Variants in N4BP2L2 observed in about 807,000 individuals in gnomAD.
The protein encoded by N4BP2L2 is NEDD4-binding protein 2-like 2.
In N4BP2L2, 50 loss-of-function variants were observed where a neutral mutation model predicts 56.2. The ratio of observed to expected loss-of-function variants is 0.89; its 90% CI spans 0.71 to 1.13. N4BP2L2 has a LOEUF of 1.13. Among genes scored for constraint, N4BP2L2 ranks in the 50% most tolerant of loss-of-function variants. The pLI is 0.00. For synonymous variants in N4BP2L2, 203 were observed against 223.6 expected (o/e 0.91, Z 0.82); for missense variants, 689 against 693.8 (o/e 0.99, Z 0.08).
chr13:32,437,718 T>C (rs2075689596), intron 8 of N4BP2L2, among the ~76,000 whole-genome samples: 1 of 152,184 alleles, frequency 6.6e-6, no homozygotes. Flanking sequence ...TCTATCATAA[T>C]GGGTAAGACT....
chr13:32,484,553 G>A (rs527631248), intron 6 of N4BP2L2, among the ~76,000 whole-genome samples: 14 of 151,730 alleles, frequency 9.2e-5, no homozygotes, highest in Non-Finnish European at 1.9e-4. Flanking sequence ...ACGTGATCTC[G>A]GCTCACTGCA....
At chr13:32,527,697 GAGCTGAATA>G (rs2053457358) in intron 2 of N4BP2L2, among the ~76,000 whole-genome samples, 165 bp from the exon 3 acceptor site, 2 of 151,938 alleles carry the variant, frequency 1.3e-5, no homozygotes, top group African/African-American at 4.8e-5. Flanking sequence ...ACCAGCACAA[GAGCTGAATA>G]ATCTTACAAA....
chr13:32,498,081 G>A (rs1466909170), intron 6 of N4BP2L2, among the ~76,000 whole-genome samples: 1 of 152,022 alleles, frequency 6.6e-6, no homozygotes, highest in Non-Finnish European at 1.5e-5. Flanking sequence ...CACCTCCTGG[G>A]TTTAAGCGAC....
chr13:32,444,213 G>T, intron 6 of N4BP2L2: 1 of 1,047,610 alleles, frequency 9.5e-7, no homozygotes, highest in Non-Finnish European at 1.3e-6. Flanking sequence ...TCATGTGCAG[G>T]TTTAAAAACC....
chr13:32,508,467 C>T (rs1250355607), downstream of N4BP2L2: 1 of 152,096 alleles, frequency 6.6e-6, no homozygotes, highest in Non-Finnish European at 1.5e-5. Context: ...TGAAGGCATT[C>T]AATAAACAAA....
chr13:32,536,401 A>G, exon 2 of N4BP2L2: 1 of 1,614,078 alleles, frequency 6.2e-7, no homozygotes, highest in Non-Finnish European at 8.5e-7. Context: ...CATTATTATG[A>G]CCCTCATAAA....
At chr13:32,499,143 T>A (rs2089464174) in intron 6 of N4BP2L2, among the ~76,000 whole-genome samples, 1 of 152,144 alleles carries the variant, frequency 6.6e-6, no homozygotes, top group African/African-American at 2.4e-5. Context: ...TAAGTCTGAC[T>A]TAAACTAGGC....
intron 3 of N4BP2L2, among the ~76,000 whole-genome samples, chr13:32,526,594 T>C (rs1016556274): frequency 6.6e-6 from 1 of 152,166 alleles, no homozygotes; most frequent in Non-Finnish European, 1.5e-5. Flanking sequence ...TTAATCTGTT[T>C]AAAATTTTTC....
In N4BP2L2 at chr13:32,477,320, A is replaced by C. The variant is rs568867878; in HGVS notation, c.366-33194T>G. 38 of 204,358 alleles carry C rather than the reference A, an allele frequency of 1.9e-4. No homozygotes were observed. The Middle Eastern group carries it at 7.3e-3, about 39-fold the overall frequency. The allele number at this position is 204,358 out of a possible 1,614,324, so 12.7% of individuals were successfully genotyped here. ...TGCAAAAACTTCATCAGCACGGCCA[A>C]GTACAGCATGTGGTCATTTCTCCCT... is the stretch of plus-strand genomic sequence containing the variant. On this transcript the variant is annotated intron_variant, in intron 6 of 9. Coordinates refer to the N4BP2L2 transcript ENST00000357505.
chr13:32,506,970 G>C (rs927436117), downstream of N4BP2L2: 5 of 151,598 alleles, frequency 3.3e-5, no homozygotes, highest in Non-Finnish European at 5.9e-5. Flanking sequence ...GAGCTTCTAA[G>C]GTGCTAGTAA....
rs941214058 is a variant in N4BP2L2 at position 32,517,981 on chromosome 13, G to A, written c.1573C>T (p.Arg525Ter). The change falls in exon 6 of 6, where the codon CGA becomes TGA. Residue 525 changes from arginine to a stop codon, truncating the protein, a stop_gained. Coordinates refer to ENST00000267068, the Ensembl canonical transcript of N4BP2L2. LOFTEE classifies it high-confidence loss of function. Reference sequence around the variant, plus strand: ...TCCAACATCTGAGCAATCTTCTTTCGAGACACACCATGTTTATTCCTCCTA... The same window carrying A: ...TCCAACATCTGAGCAATCTTCTTTCAAGACACACCATGTTTATTCCTCCTA... The A allele has an allele frequency of 2.5e-6, 4 of 1,613,266 alleles. No homozygotes were observed. The highest frequency in any genetic ancestry group is 1.7e-5 in the Admixed American group (1 of 59,966).
intron 6 of N4BP2L2, among the ~76,000 whole-genome samples, chr13:32,454,906 G>T (rs1473701129): frequency 6.6e-6 from 1 of 152,220 alleles, no homozygotes; most frequent in African/African-American, 2.4e-5. Context: ...CTGGAATCAG[G>T]TGGGAGCCCA....
At chr13:32,439,290 G>C (rs1296217052) in intron 7 of N4BP2L2, among the ~76,000 whole-genome samples, 1 of 151,976 alleles carries the variant, frequency 6.6e-6, no homozygotes, top group East Asian at 1.9e-4. Context: ...TGTTAGTCTT[G>C]TCTCCCAATT....
intron 6 of N4BP2L2, among the ~76,000 whole-genome samples, chr13:32,453,098 AAATACAAGAAATT>A (rs1238932105): frequency 1.6e-4 from 24 of 152,162 alleles, no homozygotes; most frequent in Non-Finnish European, 3.2e-4. Flanking sequence ...GTCTCTACTA[AAATACAAGAAATT>A]AGCCGAGCAT....
chr13:32,459,301 AAC>A (rs541037629), intron 6 of N4BP2L2, among the ~76,000 whole-genome samples: 195 of 152,272 alleles, frequency 1.3e-3, no homozygotes, highest in African/African-American at 4.3e-3. Context: ...GAAGTAAAAA[AAC>A]AGAGATCAAA....
intron 2 of N4BP2L2, among the ~76,000 whole-genome samples, chr13:32,531,067 A>G (rs192665454): frequency 3.5e-4 from 54 of 152,264 alleles, no homozygotes; most frequent in Admixed American, 3.2e-3. Context: ...CATAGCTCAC[A>G]AGGAACTCAG....
At position 32,450,184 on chromosome 13, in the gene N4BP2L2, C is replaced by T. The variant is rs544650210; in HGVS notation, c.366-6058G>A. 5.3e-5 allele frequency among the ~76,000 whole-genome samples: 8 copies of T among 151,848 alleles called. No individual in the cohort carries two copies. The South Asian group carries it at 6.2e-4, about 12-fold the overall frequency. On this transcript the variant is annotated intron_variant, in intron 6 of 9. Transcript: ENST00000357505. Reference sequence around the variant, plus strand: ...CAGATTTCAAAGAATTACTAATGTACGGACCATAATATAGTTAACTTTGAA... The same window carrying T: ...CAGATTTCAAAGAATTACTAATGTATGGACCATAATATAGTTAACTTTGAA...
chr13:32,441,328 G>A (rs904501573), intron 7 of N4BP2L2, among the ~76,000 whole-genome samples: 2 of 152,146 alleles, frequency 1.3e-5, no homozygotes, highest in African/African-American at 2.4e-5. Context: ...TTGTATTTGG[G>A]AGCTATAATA....
chr13:32,528,301 T>C (rs1476344152), intron 2 of N4BP2L2, among the ~76,000 whole-genome samples: 3 of 152,218 alleles, frequency 2.0e-5, no homozygotes, highest in Non-Finnish European at 2.9e-5. Context: ...CCATGAAGCA[T>C]ATATGATCCT....
Sources: allele counts gnomAD v4.1 joint callset (sites outside exome capture counted in the v4.1 genomes callset), GRCh38; gene constraint gnomAD v4.1.1; transcripts MANE v1.5; gene names NCBI Gene and HGNC (gene_info 2026-07-23, HGNC 2026-07-21).